Variants in HRH1 observed in about 807,000 individuals in gnomAD.
HRH1 encodes histamine H1 receptor.
Under a neutral mutation model 10.3 loss-of-function variants are expected in HRH1, and 6 were observed. That is an observed-to-expected ratio of 0.58 (90% CI 0.32 to 1.15). The LOEUF is 1.15. Ranked by LOEUF, HRH1 falls within the 50% of genes most tolerant of loss-of-function variation. HRH1 has a pLI of 0.05. For synonymous variants in HRH1, 242 were observed against 236.7 expected (o/e 1.02, Z -0.21); for missense variants, 514 against 615.3 (o/e 0.84, Z 1.74).
chr3:11,202,404 C>CAATAAATA lies in HRH1; in HGVS notation c.-36+47876_-36+47883dup, dbSNP rs60116753. Among the ~76,000 whole-genome samples the CAATAAATA allele has an allele frequency of 3.3e-3, 467 of 140,614 alleles. 3 individuals carry two copies. The highest frequency in any genetic ancestry group is 0.015 in the East Asian group (70 of 4,726). 92.2% of individuals were successfully genotyped at this position (140,614 alleles called of 152,430 possible). ...TGGGTGACAGAGCAAGACTCCATCT[C>CAATAAATA]AATAAATAAATAAATAAATAAATAA... On this transcript the variant is annotated intron_variant, in intron 1 of 1. Coordinates refer to ENST00000431010, the MANE Select transcript of HRH1 (RefSeq NM_001098212.2).
rs138066186 is a variant in HRH1 at position 11,194,793 on chromosome 3, C to T, written c.-36+40239C>T. The stretch of plus-strand genomic sequence containing the variant: ...TTGTGTCATTGCACTCCAGCTGGGG[C>T]GACAGAGCGCGACTCTGTCTCAAAA... On this transcript the variant is annotated intron_variant, in intron 1 of 1. Coordinates refer to ENST00000431010, the MANE Select transcript of HRH1 (RefSeq NM_001098212.2). Among the ~76,000 whole-genome samples the T allele has an allele frequency of 1.5e-3, 230 of 152,190 alleles. 2 individuals are homozygous for T. Among genetic ancestry groups the T allele is most frequent in the Middle Eastern group, 6.8e-3 (2 of 294 alleles).
At chr3:11,203,361 C>T (rs1008813205) in intron 1 of HRH1, among the ~76,000 whole-genome samples, 1 of 152,094 alleles carries the variant, frequency 6.6e-6, no homozygotes, top group African/African-American at 2.4e-5. Context: ...ACCATTTTGC[C>T]TTCTGGCTTC....
chr3:11,213,041 T>C (rs1273876842), intron 1 of HRH1, among the ~76,000 whole-genome samples: 1 of 152,188 alleles, frequency 6.6e-6, no homozygotes, highest in East Asian at 1.9e-4. Context: ...CCAGATCACC[T>C]TGACCACCCT....
rs529386049 is a variant in HRH1 at position 11,162,849 on chromosome 3, GGTTTT to G, written c.-36+8316_-36+8320del. Among the ~76,000 whole-genome samples the G allele has an allele frequency of 1.4e-4, 21 of 152,170 alleles. No homozygotes were observed. In the South Asian group the frequency reaches 1.7e-3, roughly 12 times the overall value. ...CTTGGGTAATTTGTGGTTATTCTTGGGTTTTGTTTTGTTTTGTTTTGTTTTTTGTA... is the reference window on the plus strand; with the variant it reads ...CTTGGGTAATTTGTGGTTATTCTTGGGTTTTGTTTTGTTTTGTTTTTTGTA... On this transcript the variant is annotated intron_variant, in intron 1 of 1. Transcript: ENST00000431010.
At chr3:11,208,950 C>T (rs959418271) in intron 1 of HRH1, among the ~76,000 whole-genome samples, 1 of 152,182 alleles carries the variant, frequency 6.6e-6, no homozygotes, top group South Asian at 2.1e-4. Flanking sequence ...AAACTGCCCA[C>T]AGAGAGTAAT....
intron 1 of HRH1, among the ~76,000 whole-genome samples, chr3:11,204,946 C>A (rs1938063786): frequency 1.3e-5 from 2 of 152,274 alleles, no homozygotes; most frequent in South Asian, 4.1e-4. Context: ...CCTCCAGCCC[C>A]ACGTTTTTGG....
At chr3:11,200,094 ATTG>A (rs1937845444) in intron 1 of HRH1, among the ~76,000 whole-genome samples, 1 of 152,258 alleles carries the variant, frequency 6.6e-6, no homozygotes, top group Non-Finnish European at 1.5e-5. Context: ...ATCCTTGGAT[ATTG>A]TTGTGTCTGG....
intron 1 of HRH1, among the ~76,000 whole-genome samples, chr3:11,228,997 T>C (rs1267469440): frequency 6.6e-6 from 1 of 151,666 alleles, no homozygotes; most frequent in Non-Finnish European, 1.5e-5. Context: ...GAAGAAATGC[T>C]TAGATATGGC....
At chr3:11,227,156 CA>C (rs1341581170) in intron 1 of HRH1, among the ~76,000 whole-genome samples, 1 of 152,190 alleles carries the variant, frequency 6.6e-6, no homozygotes, top group Non-Finnish European at 1.5e-5. Flanking sequence ...CAGAACAGAA[CA>C]GGGGTGACCC....
chr3:11,163,265 C>T lies in HRH1; in HGVS notation c.-36+8711C>T, dbSNP rs1281298338. Among the ~76,000 whole-genome samples, 6 of 152,308 alleles carry T rather than the reference C, an allele frequency of 3.9e-5. No individual in the cohort carries two copies. The East Asian group carries it at 1.2e-3, about 29-fold the overall frequency. ...TACCTCCAGGCAGCCCCCTTCTATC[C>T]CCAGAGGTCCCTTTCCGAGGGACAT... On this transcript the variant is annotated intron_variant, in intron 1 of 1. Coordinates refer to ENST00000431010, the MANE Select transcript of HRH1 (RefSeq NM_001098212.2).
intron 1 of HRH1, among the ~76,000 whole-genome samples, chr3:11,206,148 T>C (rs1938116544): frequency 6.6e-6 from 1 of 152,122 alleles, no homozygotes; most frequent in Admixed American, 6.5e-5. Flanking sequence ...AGGGTCTTGC[T>C]CTGTCACCCA....
rs189812512 is a variant in HRH1 at position 11,236,180 on chromosome 3, C to T, written c.-35-22823C>T. 5.8e-3 allele frequency among the ~76,000 whole-genome samples: 886 copies of T among 152,338 alleles called. 32 individuals are homozygous for T. Among genetic ancestry groups the T allele is most frequent in the Non-Finnish European group, 7.2e-4 (49 of 68,042 alleles). ...TTTAAAAGCTTTTGACACAGTGGCT[C>T]ACGCCTGTAATCTCAGCACTTTGGG... On this transcript the variant is annotated intron_variant, in intron 1 of 1. Coordinates refer to ENST00000431010, the MANE Select transcript of HRH1 (RefSeq NM_001098212.2).
intron 1 of HRH1, among the ~76,000 whole-genome samples, chr3:11,240,323 G>T (rs935340970): frequency 6.6e-6 from 1 of 152,172 alleles, no homozygotes; most frequent in East Asian, 1.9e-4. Flanking sequence ...ATAATTGACA[G>T]CATTTAAAAA....
chr3:11,148,570 G>A (rs73010382), intron 1 of HRH1, among the ~76,000 whole-genome samples: 145 of 152,002 alleles, frequency 9.5e-4, no homozygotes, highest in Non-Finnish European at 1.2e-3. Flanking sequence ...ACACGAATGT[G>A]ACTCAAAATG....
chr3:11,166,087 G>A (rs1283557779), intron 1 of HRH1, among the ~76,000 whole-genome samples: 4 of 152,120 alleles, frequency 2.6e-5, no homozygotes, highest in Non-Finnish European at 5.9e-5. Flanking sequence ...TGGGCAACCA[G>A]CCCTTCCCCA....
At position 11,148,527 on chromosome 3, in the gene HRH1, C is replaced by T. The variant is rs116831243; in HGVS notation, c.-36+11128C>T. Among the ~76,000 whole-genome samples, 937 of 152,270 alleles carry T rather than the reference C, an allele frequency of 6.2e-3. 7 individuals are homozygous for T. The highest frequency in any genetic ancestry group is 7.5e-3 in the Non-Finnish European group (510 of 68,040). Reference sequence around the variant, plus strand: ...CTGAGGTTATTTCATATTGCTGCTCCATCATCCCAGTACATGGTTCCTTTC... The same window carrying T: ...CTGAGGTTATTTCATATTGCTGCTCTATCATCCCAGTACATGGTTCCTTTC... On this transcript the variant is annotated intron_variant, in intron 1 of 1. Coordinates refer to the HRH1 transcript ENST00000438284.
Position 11,223,741 on chromosome 3 carries a change from A to G in HRH1, c.-35-35262A>G, listed in dbSNP as rs1489688585. Among the ~76,000 whole-genome samples, 6 of 152,234 alleles carry G rather than the reference A, an allele frequency of 3.9e-5. No homozygotes were observed. In the East Asian group the frequency reaches 1.2e-3, roughly 29 times the overall value. Reference sequence around the variant, plus strand: ...TAGTTGCGCTACCAAGAAAAGGGGGAAAGGGAAATGTTTGAAAAATCCCTA... The same window carrying G: ...TAGTTGCGCTACCAAGAAAAGGGGGGAAGGGAAATGTTTGAAAAATCCCTA... On this transcript the variant is annotated intron_variant, in intron 1 of 1. Coordinates refer to ENST00000431010, the MANE Select transcript of HRH1 (RefSeq NM_001098212.2).
upstream of HRH1, among the ~76,000 whole-genome samples, chr3:11,151,591 G>C (rs1357073004): frequency 6.6e-6 from 1 of 152,134 alleles, no homozygotes; most frequent in Non-Finnish European, 1.5e-5. Context: ...TTGATCCCCT[G>C]GGTTCAAGCA....
At chr3:11,155,640 GCTGGGAGTCCTGGTGA>G (rs1338509817) in intron 1 of HRH1, among the ~76,000 whole-genome samples, 1 of 152,206 alleles carries the variant, frequency 6.6e-6, no homozygotes, top group Non-Finnish European at 1.5e-5. Context: ...GACGAGGCAG[GCTGGGAGTCCTGGTGA>G]ACAAGGTTTT....
Sources: gnomAD v4.1 joint callset for allele counts (sites outside exome capture counted in the v4.1 genomes callset) on GRCh38, gnomAD v4.1.1 for gene constraint, MANE v1.5 for transcripts, NCBI Gene and HGNC (gene_info 2026-07-23, HGNC 2026-07-21) for gene names.